TFEC: variants seen among roughly 807,000 people sequenced by gnomAD.
The protein encoded by TFEC is class E basic helix-loop-helix protein 34.
A neutral mutation model predicts 41.6 loss-of-function variants in TFEC; 31 were observed. The observed-to-expected ratio is 0.74, with a 90% CI of 0.56 to 1.01. The LOEUF (loss-of-function observed/expected upper bound fraction) is 1.01. TFEC is among the 50% of genes least tolerant of loss of function. TFEC has a pLI of 0.00. For missense variants in TFEC, 402 were observed against 404.1 expected (o/e 0.99, Z 0.04); for synonymous variants, 143 against 140.6 (o/e 1.02, Z -0.12).
rs930404035 is a variant in TFEC, at chr7:115,938,134, C to A, written c.*2417G>T. 25 of 151,764 alleles carry A rather than the reference C, an allele frequency of 1.6e-4. No homozygotes were observed. The highest frequency in any genetic ancestry group is 6.0e-4 in the African/African-American group (25 of 41,352). The allele number at this position is 151,764 out of a possible 1,614,324, so 9.4% of individuals were successfully genotyped here. A position where few individuals can be genotyped will look rare whatever the true frequency, so the allele number is the denominator to read the frequency against. ...ATCCTGTGCCAAGTCCTTATCTCAG[C>A]CAAGATTGTGAAGGATAGATTTCAA... On this transcript the variant is annotated 3_prime_UTR_variant, in exon 8 of 8. Coordinates refer to ENST00000265440, the MANE Select transcript of TFEC (RefSeq NM_012252.4).
intron 3 of TFEC, among the ~76,000 whole-genome samples, chr7:116,064,022 T>TA (rs1796634379): frequency 6.6e-6 from 1 of 152,072 alleles, no homozygotes; most frequent in Non-Finnish European, 1.5e-5. Context: ...ATAGAAGATC[T>TA]AAAAAAACTG....
At chr7:116,034,157 T>A (rs1460506346), upstream of TFEC, among the ~76,000 whole-genome samples, 1 of 152,066 alleles carries the variant, frequency 6.6e-6, no homozygotes, top group Admixed American at 6.6e-5. Flanking sequence ...TTCTTCTCAG[T>A]CTCCTTTGCT....
At chr7:116,143,068 C>A (rs890314238) in intron 1 of TFEC, among the ~76,000 whole-genome samples, 5 of 152,118 alleles carry the variant, frequency 3.3e-5, no homozygotes, top group Admixed American at 3.3e-4. Flanking sequence ...GTCAGGCGTG[C>A]GACTTTGAAG....
intron 3 of TFEC, among the ~76,000 whole-genome samples, chr7:115,965,957 T>C (rs928497712): frequency 1.3e-5 from 2 of 151,574 alleles, no homozygotes; most frequent in Non-Finnish European, 3.0e-5. Context: ...ATTCTCATAT[T>C]TCAAGATCCT....
intron 2 of TFEC, among the ~76,000 whole-genome samples, chr7:115,982,245 C>T (rs1235695060): frequency 2.6e-5 from 4 of 151,694 alleles, no homozygotes; most frequent in Non-Finnish European, 5.9e-5. Flanking sequence ...TGGCAACAGA[C>T]ACCATCTCCT....
At chr7:115,951,489 T>C (rs1360170780) in intron 5 of TFEC, among the ~76,000 whole-genome samples, 1 of 152,068 alleles carries the variant, frequency 6.6e-6, no homozygotes, top group Non-Finnish European at 1.5e-5. Flanking sequence ...GGTAAATAAA[T>C]GTATATTGAT....
intron 1 of TFEC, among the ~76,000 whole-genome samples, chr7:116,018,263 A>AT (rs1795267962): frequency 6.6e-6 from 1 of 152,202 alleles, no homozygotes; most frequent in Admixed American, 6.5e-5. Context: ...CAGAATTTGA[A>AT]TGCAGGAAGT....
chr7:116,019,512 A>T (rs1795316091), intron 1 of TFEC, among the ~76,000 whole-genome samples: 1 of 152,214 alleles, frequency 6.6e-6, no homozygotes, highest in Non-Finnish European at 1.5e-5. Context: ...TGTTTTCATC[A>T]GACTAAATAA....
At chr7:116,044,349 T>C (rs1205076923) in intron 3 of TFEC, among the ~76,000 whole-genome samples, 5 of 152,140 alleles carry the variant, frequency 3.3e-5, no homozygotes, top group South Asian at 4.1e-4. Context: ...TTGATGGGAG[T>C]GGGCACGTGC....
At chr7:116,129,806 A>G (rs552039023) in intron 1 of TFEC, among the ~76,000 whole-genome samples, 1 of 151,832 alleles carries the variant, frequency 6.6e-6, no homozygotes, top group Admixed American at 6.6e-5. Flanking sequence ...CTTACGTTCT[A>G]TAATTTCTGA....
chr7:116,074,568 T>G (rs545988038), intron 3 of TFEC, among the ~76,000 whole-genome samples: 1 of 152,308 alleles, frequency 6.6e-6, no homozygotes, highest in African/African-American at 2.4e-5. Context: ...TTCTGCTTCA[T>G]GCACACTAAG....
Position 116,017,130 on chromosome 7 carries a change from A to G in TFEC, c.-73+13503T>C, listed in dbSNP as rs1394142294. On this transcript the variant is annotated intron_variant, in intron 1 of 7. Coordinates refer to ENST00000265440, the MANE Select transcript of TFEC (RefSeq NM_012252.4). ...TTCCAGTTTCCTCCAACCCTCTCCA[A>G]TCATTCTTCTTACAGCCTTCAAAAT... 2.6e-5 allele frequency among the ~76,000 whole-genome samples: 4 copies of G among 152,122 alleles called. No homozygotes were observed. The East Asian group carries it at 7.7e-4, about 29-fold the overall frequency.
intron 6 of TFEC, among the ~76,000 whole-genome samples, chr7:115,945,373 A>G (rs531775758): frequency 1.5e-4 from 23 of 151,714 alleles, no homozygotes; most frequent in African/African-American, 3.9e-4. Context: ...TCCTTAGTCC[A>G]TGGAGCCAGA....
Position 115,938,252 on chromosome 7 carries a change from G to T in TFEC, c.*2299C>A, listed in dbSNP as rs1001394249. 6.6e-6 allele frequency: 1 copy of T among 151,866 alleles called. No homozygotes were observed. The highest frequency in any genetic ancestry group is 1.5e-5 in the Non-Finnish European group (1 of 67,868). 9.4% of individuals were successfully genotyped at this position (151,866 alleles called of 1,614,324 possible). On this transcript the variant is annotated 3_prime_UTR_variant, in exon 8 of 8. Coordinates refer to ENST00000265440, the MANE Select transcript of TFEC (RefSeq NM_012252.4). ...TACTCAAAATATGAAGAAATGAGAAGAGCAGATAAAATGAGAACTGAAGCC... is the reference window on the plus strand; with the variant it reads ...TACTCAAAATATGAAGAAATGAGAATAGCAGATAAAATGAGAACTGAAGCC...
At chr7:116,044,249 G>T (rs1285995269) in intron 3 of TFEC, among the ~76,000 whole-genome samples, 3 of 152,072 alleles carry the variant, frequency 2.0e-5, no homozygotes, top group African/African-American at 7.2e-5. Flanking sequence ...CCTTCGTCAT[G>T]GCCAGAGCAA....
chr7:116,068,691 CAT>C (rs753200955), intron 3 of TFEC, among the ~76,000 whole-genome samples: 44 of 151,684 alleles, frequency 2.9e-4, no homozygotes, highest in South Asian at 1.5e-3. Context: ...TTTGCCTTCA[CAT>C]ATCTTAATGA....
rs138807396 is a variant in TFEC, at chr7:116,026,280, C to T, written c.-73+4353G>A. The stretch of plus-strand genomic sequence containing the variant: ...ACTGGACCTTTTGGCCCAATGCCTT[C>T]GCCTGCCTAAAGAATAGCTAATTCA... On this transcript the variant is annotated intron_variant, in intron 1 of 7. Coordinates refer to ENST00000265440, the MANE Select transcript of TFEC (RefSeq NM_012252.4). Among the ~76,000 whole-genome samples, 18 of 152,348 alleles carry T rather than the reference C, an allele frequency of 1.2e-4. No homozygotes were observed. In the East Asian group the frequency reaches 3.3e-3, roughly 28 times the overall value.
At chr7:116,085,021 G>A (rs1351422974) in intron 3 of TFEC, among the ~76,000 whole-genome samples, 3 of 151,830 alleles carry the variant, frequency 2.0e-5, no homozygotes, top group Non-Finnish European at 4.4e-5. Flanking sequence ...TTAGGAACAG[G>A]AGATAGCTTG....
intron 3 of TFEC, among the ~76,000 whole-genome samples, chr7:116,071,504 G>A (rs956536854): frequency 7.3e-5 from 11 of 151,392 alleles, no homozygotes; most frequent in African/African-American, 2.7e-4. Flanking sequence ...AGAATAAGTT[G>A]TTAAATTATT....
Sources: gnomAD v4.1 joint callset for allele counts (sites outside exome capture counted in the v4.1 genomes callset) on GRCh38, gnomAD v4.1.1 for gene constraint, MANE v1.5 for transcripts, NCBI Gene and HGNC (gene_info 2026-07-23, HGNC 2026-07-21) for gene names.